Variants in BRINP1 observed in about 807,000 individuals in gnomAD.
BRINP1 encodes the protein BMP/retinoic acid inducible neural specific 1.
In BRINP1, 17 loss-of-function variants were observed where a neutral mutation model predicts 72.9. The ratio of observed to expected loss-of-function variants is 0.23; its 90% CI spans 0.16 to 0.35. The LOEUF (loss-of-function observed/expected upper bound fraction) is 0.35. BRINP1 is among the 10% of genes least tolerant of loss of function. The pLI is 1.00. For missense variants in BRINP1, 850 were observed against 1,001.6 expected (o/e 0.85, Z 2.04); for synonymous variants, 418 against 378.5 (o/e 1.10, Z -1.21).
At chr9:119,299,249 C>T (rs972716053) in intron 2 of BRINP1, among the ~76,000 whole-genome samples, 13 of 152,112 alleles carry the variant, frequency 8.5e-5, no homozygotes, top group Non-Finnish European at 1.5e-4. Context: ...ACTCCTCAAC[C>T]GTAGACCCTG....
At position 119,227,771 on chromosome 9, in the gene BRINP1, C is replaced by T. The variant is rs143548961; in HGVS notation, c.685+10884G>A. Among the ~76,000 whole-genome samples the T allele has an allele frequency of 4.5e-3, 691 of 151,962 alleles. 5 individuals are homozygous for T. Among genetic ancestry groups the T allele is most frequent in the Non-Finnish European group, 4.1e-3 (277 of 67,908 alleles). ...TTACAAGTCCACATAAAGTGATGGGCGTGTGGGAGAGGAGGGGGCTTTAGA... is the reference window on the plus strand; with the variant it reads ...TTACAAGTCCACATAAAGTGATGGGTGTGTGGGAGAGGAGGGGGCTTTAGA... On this transcript the variant is annotated intron_variant, in intron 5 of 7. Transcript: ENST00000265922.
intron 7 of BRINP1, among the ~76,000 whole-genome samples, chr9:119,199,339 G>C (rs1353778193): frequency 6.6e-6 from 1 of 152,176 alleles, no homozygotes. Flanking sequence ...CATCAGAATA[G>C]AGATAACGAT....
At chr9:119,271,354 G>C (rs1830603480) in intron 2 of BRINP1, among the ~76,000 whole-genome samples, 1 of 151,316 alleles carries the variant, frequency 6.6e-6, no homozygotes, top group Admixed American at 6.6e-5. Flanking sequence ...TGTGGCCTTT[G>C]ATTTCACCCT....
At chr9:119,278,600 C>T (rs537260683) in intron 2 of BRINP1, among the ~76,000 whole-genome samples, 10 of 152,246 alleles carry the variant, frequency 6.6e-5, no homozygotes, top group African/African-American at 2.4e-4. Flanking sequence ...TTTAAAACAA[C>T]TTAAAGCAGC....
At chr9:119,264,266 A>G (rs1035187746) in intron 2 of BRINP1, among the ~76,000 whole-genome samples, 20 of 152,362 alleles carry the variant, frequency 1.3e-4, no homozygotes, top group African/African-American at 4.8e-4. Context: ...TGCAGGAAAG[A>G]AGTCTTAGTG....
chr9:119,351,351 C>T (rs1831506133), intron 1 of BRINP1, among the ~76,000 whole-genome samples: 1 of 152,128 alleles, frequency 6.6e-6, no homozygotes, highest in Admixed American at 6.5e-5. Context: ...CAAGGTTCTT[C>T]CCATATCTAT....
intron 2 of BRINP1, among the ~76,000 whole-genome samples, chr9:119,264,238 C>T (rs570870977): frequency 5.9e-5 from 9 of 152,294 alleles, no homozygotes; most frequent in African/African-American, 9.6e-5. Context: ...AGTAGCATGT[C>T]GGGTAAGACC....
intron 7 of BRINP1, among the ~76,000 whole-genome samples, chr9:119,171,108 C>T (rs1379233391): frequency 6.6e-6 from 1 of 150,884 alleles, no homozygotes; most frequent in Non-Finnish European, 1.5e-5. Context: ...ATCATAATGA[C>T]AGGATCAAAT....
At chr9:119,310,015 A>C (rs186893610) in intron 2 of BRINP1, among the ~76,000 whole-genome samples, 14 of 152,124 alleles carry the variant, frequency 9.2e-5, no homozygotes, top group Non-Finnish European at 1.8e-4. Context: ...ACAAAACCTA[A>C]ATCTCTAGAC....
At chr9:119,304,912 C>T (rs1294055944) in intron 2 of BRINP1, among the ~76,000 whole-genome samples, 1 of 152,226 alleles carries the variant, frequency 6.6e-6, no homozygotes, top group African/African-American at 2.4e-5. Context: ...CCAAGCAATT[C>T]TAACTTTATA....
chr9:119,198,478 G>A (rs2118859485), intron 7 of BRINP1, among the ~76,000 whole-genome samples: 1 of 152,274 alleles, frequency 6.6e-6, no homozygotes, highest in Admixed American at 6.5e-5. Context: ...TGGTCTGTCA[G>A]ACTAGAGAGT....
At chr9:119,252,899 C>T (rs569010633) in intron 2 of BRINP1, among the ~76,000 whole-genome samples, 54 of 152,262 alleles carry the variant, frequency 3.5e-4, no homozygotes, top group South Asian at 1.0e-3. Context: ...CGTTCACCAG[C>T]GATAGACCAG....
intron 2 of BRINP1, among the ~76,000 whole-genome samples, chr9:119,308,997 C>T (rs1037075549): frequency 6.7e-6 from 1 of 150,120 alleles, no homozygotes; most frequent in Non-Finnish European, 1.5e-5. Context: ...GAAAATAAAA[C>T]ACAAAAAGGT....
chr9:119,305,384 T>G (rs989422641), intron 2 of BRINP1, among the ~76,000 whole-genome samples: 1 of 152,208 alleles, frequency 6.6e-6, no homozygotes, highest in African/African-American at 2.4e-5. Flanking sequence ...CACTAGACTT[T>G]AAAGATTGGT....
rs148445313 is a variant in BRINP1 at position 119,308,175 on chromosome 9, C to CT, written c.218+4962dup. Among the ~76,000 whole-genome samples, 642 of 152,240 alleles carry CT rather than the reference C, an allele frequency of 4.2e-3. 5 individuals are homozygous for CT. The highest frequency in any genetic ancestry group is 0.014 in the African/African-American group (597 of 41,564). ...CATCATGGAAAAATAAATGGGTGTT[C>CT]TTTTTTTCCAGAAAACATCTTTTAA... On this transcript the variant is annotated intron_variant, in intron 2 of 7. Transcript: ENST00000265922.
chr9:119,339,681 C>A, intron 1 of BRINP1, among the ~76,000 whole-genome samples: 1 of 152,186 alleles, frequency 6.6e-6, no homozygotes, highest in Non-Finnish European at 1.5e-5. Flanking sequence ...GGAATTATTT[C>A]TTCTATTTTA....
At chr9:119,279,188 G>A (rs1458485236) in intron 2 of BRINP1, among the ~76,000 whole-genome samples, 1 of 152,200 alleles carries the variant, frequency 6.6e-6, no homozygotes, top group Non-Finnish European at 1.5e-5. Context: ...AAAGCTCAGT[G>A]TGAATAAATT....
At chr9:119,265,604 AAAACAAAC>A (rs200640638) in intron 2 of BRINP1, among the ~76,000 whole-genome samples, 4 of 152,036 alleles carry the variant, frequency 2.6e-5, no homozygotes, top group African/African-American at 4.8e-5. Context: ...CTCAATTACC[AAAACAAAC>A]AAACAAACAA....
At chr9:119,347,115 C>T (rs1831459924) in intron 1 of BRINP1, among the ~76,000 whole-genome samples, 1 of 152,196 alleles carries the variant, frequency 6.6e-6, no homozygotes, top group Non-Finnish European at 1.5e-5. Flanking sequence ...GAATTAATGC[C>T]TGCAATCCTG....
Sources: gnomAD v4.1 joint callset for allele counts (sites outside exome capture counted in the v4.1 genomes callset) on GRCh38, gnomAD v4.1.1 for gene constraint, MANE v1.5 for transcripts, NCBI Gene and HGNC (gene_info 2026-07-23, HGNC 2026-07-21) for gene names.